Variants in ANKRD30BL observed in about 807,000 individuals in gnomAD.
The protein encoded by ANKRD30BL is ankyrin repeat domain 30B like.
A neutral mutation model predicts 18.4 loss-of-function variants in ANKRD30BL; 20 were observed. The observed-to-expected ratio is 1.09, with a 90% CI of 0.77 to 1.58. ANKRD30BL has a LOEUF of 1.58. Among genes scored for constraint, ANKRD30BL ranks in the 40% most tolerant of loss-of-function variants. The pLI, the probability that ANKRD30BL is intolerant of heterozygous loss-of-function variation, is 0.00. For missense variants in ANKRD30BL, 224 were observed against 268.6 expected, an observed-to-expected ratio of 0.83 and a Z score of 1.16; for synonymous variants, 72 against 100.9, an observed-to-expected ratio of 0.71 and a Z score of 1.72.
chr2:132,217,073 T>C (rs1158516678), intron 1 of ANKRD30BL, among the ~76,000 whole-genome samples: 1 of 151,790 alleles, frequency 6.6e-6, no homozygotes, highest in African/African-American at 2.4e-5. Flanking sequence ...TTGAGACCTA[T>C]GGTGGAAAAG....
At chr2:132,177,374 G>A (rs1403518855) in intron 1 of ANKRD30BL, among the ~76,000 whole-genome samples, 13 of 152,058 alleles carry the variant, frequency 8.5e-5, no homozygotes, top group Non-Finnish European at 1.6e-4. Flanking sequence ...GGATGGCTTC[G>A]ATATCTAGAT....
At position 132,212,675 on chromosome 2, in the gene ANKRD30BL, C is replaced by T. The variant is rs537894851; in HGVS notation, n.441+44854G>A. Among the ~76,000 whole-genome samples the T allele has an allele frequency of 3.7e-4, 57 of 152,008 alleles. No individual in the cohort carries two copies. The East Asian group carries it at 0.01, about 27-fold the overall frequency. On this transcript the variant is annotated intron_variant and non_coding_transcript_variant, in intron 1 of 4. Coordinates refer to the ANKRD30BL transcript ENST00000470729. ...TAGACAGAATAATTCTGAGAAACTT[C>T]TTTGTGATGGGTGCATTCATTTCAC...
At chr2:132,197,427 A>C (rs1045091534) in intron 1 of ANKRD30BL, among the ~76,000 whole-genome samples, 8 of 152,106 alleles carry the variant, frequency 5.3e-5, no homozygotes, top group African/African-American at 1.4e-4. Context: ...AGTCTTATCC[A>C]TTTATGAATC....
At chr2:132,231,361 C>A (rs1680005629) in intron 1 of ANKRD30BL, among the ~76,000 whole-genome samples, 1 of 152,214 alleles carries the variant, frequency 6.6e-6, no homozygotes, top group Non-Finnish European at 1.5e-5. Flanking sequence ...AGGAACAGCT[C>A]TGGTCTACAG....
chr2:132,236,425 C>G (rs1042325876), intron 1 of ANKRD30BL, among the ~76,000 whole-genome samples: 2 of 151,930 alleles, frequency 1.3e-5, no homozygotes, highest in African/African-American at 2.4e-5. Context: ...AACAAATTTA[C>G]AAGAAAAAAA....
intron 1 of ANKRD30BL, among the ~76,000 whole-genome samples, chr2:132,196,015 A>C (rs555096995): frequency 6.6e-6 from 1 of 151,144 alleles, no homozygotes; most frequent in African/African-American, 2.4e-5. Flanking sequence ...GGTGGTGGGC[A>C]CCTGTAGTCC....
At chr2:132,192,987 G>C (rs1009134120) in intron 1 of ANKRD30BL, among the ~76,000 whole-genome samples, 26 of 152,220 alleles carry the variant, frequency 1.7e-4, no homozygotes, top group Non-Finnish European at 4.4e-5. Flanking sequence ...TGAAATATCT[G>C]AGACGAGGAA....
At chr2:132,219,452 G>C (rs113886376) in intron 1 of ANKRD30BL, among the ~76,000 whole-genome samples, 238 of 135,698 alleles carry the variant, frequency 1.8e-3, no homozygotes, top group African/African-American at 7.5e-3. Flanking sequence ...ACATTTGGAG[G>C]GCTTTAAGCC....
chr2:132,244,861 ACT>A lies in ANKRD30BL; in HGVS notation n.441+12666_441+12667del, dbSNP rs528635246. Among the ~76,000 whole-genome samples the A allele has an allele frequency of 9.9e-4, 151 of 152,416 alleles. 1 individual carries two copies. Among genetic ancestry groups the A allele is most frequent in the African/African-American group, 3.5e-3 (147 of 41,606 alleles). On this transcript the variant is annotated intron_variant and non_coding_transcript_variant, in intron 1 of 4. Coordinates refer to the ANKRD30BL transcript ENST00000470729. ...CCCTTTCCTAGAGCAGTTTTGGAAA[ACT>A]CTTTTTGTAGTATCTGCAAGTGGAC...
intron 1 of ANKRD30BL, among the ~76,000 whole-genome samples, chr2:132,254,372 AC>A (rs1011814773): frequency 5.8e-4 from 89 of 152,330 alleles, no homozygotes; most frequent in African/African-American, 1.9e-3. Context: ...AGGTTCACCT[AC>A]CGAAACTTTG....
At position 132,185,915 on chromosome 2, in the gene ANKRD30BL, C is replaced by T. The variant is rs199675875; in HGVS notation, n.442-28769G>A. Among the ~76,000 whole-genome samples the T allele has an allele frequency of 8.0e-3, 1,217 of 152,120 alleles. 10 individuals carry two copies. Among genetic ancestry groups the T allele is most frequent in the African/African-American group, 0.027 (1,104 of 41,498 alleles). ...CAGTACTTTAGGAGGCTGAGGAGGA[C>T]GGATCACTTGAGGTCAGAAGTTCAA... On this transcript the variant is annotated intron_variant and non_coding_transcript_variant, in intron 1 of 4. Coordinates refer to the ANKRD30BL transcript ENST00000470729.
intron 4 of ANKRD30BL, chr2:132,152,688 C>T (rs1327079262): frequency 6.6e-6 from 1 of 151,884 alleles, no homozygotes. Context: ...GTAACAAAGA[C>T]AAAATGGATC....
In ANKRD30BL at chr2:132,209,786, C is replaced by T. The variant is rs555524368; in HGVS notation, n.441+47743G>A. ...TTCTTTTGATTGAGCAGTTTTGAAA[C>T]AATCTTTGTGTAGTATTTGCAAGTG... is the stretch of plus-strand genomic sequence containing the variant. On this transcript the variant is annotated intron_variant and non_coding_transcript_variant, in intron 1 of 4. Transcript: ENST00000470729. Among the ~76,000 whole-genome samples the T allele has an allele frequency of 5.4e-3, 826 of 152,048 alleles. 4 individuals are homozygous for T. The highest frequency in any genetic ancestry group is 7.3e-3 in the Non-Finnish European group (496 of 67,978).
At chr2:132,198,514 G>A (rs1420136368) in intron 1 of ANKRD30BL, among the ~76,000 whole-genome samples, 1 of 151,036 alleles carries the variant, frequency 6.6e-6, no homozygotes, top group African/African-American at 2.4e-5. Flanking sequence ...CAGTAGAGAC[G>A]GGGTTTCACT....
At chr2:132,232,357 G>C (rs922206639) in intron 1 of ANKRD30BL, among the ~76,000 whole-genome samples, 8 of 152,192 alleles carry the variant, frequency 5.3e-5, no homozygotes, top group African/African-American at 1.9e-4. Context: ...CGAGCTGAGA[G>C]AAGAAGGCTT....
At chr2:132,219,870 G>C (rs199817826) in intron 1 of ANKRD30BL, among the ~76,000 whole-genome samples, 1 of 150,052 alleles carries the variant, frequency 6.7e-6, no homozygotes, top group East Asian at 2.0e-4. Flanking sequence ...ACTTCTTTGT[G>C]ATGTGTGCAT....
chr2:132,181,480 G>A (rs1251437354), intron 1 of ANKRD30BL, among the ~76,000 whole-genome samples: 3 of 151,378 alleles, frequency 2.0e-5, no homozygotes, highest in Non-Finnish European at 4.4e-5. Flanking sequence ...AAGAAAGAAA[G>A]AAAGTGAGGG....
At chr2:132,227,252 T>C (rs1679872710) in intron 1 of ANKRD30BL, among the ~76,000 whole-genome samples, 1 of 152,158 alleles carries the variant, frequency 6.6e-6, no homozygotes, top group African/African-American at 2.4e-5. Context: ...TTGCTTGTAA[T>C]GTGTGCATTC....
chr2:132,183,920 A>C (rs1253987010), intron 1 of ANKRD30BL, among the ~76,000 whole-genome samples: 2 of 152,058 alleles, frequency 1.3e-5, no homozygotes, highest in African/African-American at 4.8e-5. Context: ...TCCTCATTAG[A>C]GGGAACTGAG....
Sources: gnomAD v4.1 joint callset for allele counts (sites outside exome capture counted in the v4.1 genomes callset) on GRCh38, gnomAD v4.1.1 for gene constraint, MANE v1.5 for transcripts, NCBI Gene and HGNC (gene_info 2026-07-23, HGNC 2026-07-21) for gene names.